The following GALNT18 variants were observed in gnomAD, a reference collection of about 807,000 sequenced individuals.
The protein encoded by GALNT18 is polypeptide N-acetylgalactosaminyltransferase 18, also known as GalNAc-transferase 18.
Under a neutral mutation model 69.5 loss-of-function variants are expected in GALNT18, and 44 were observed. The observed-to-expected ratio is 0.63, with a 90% CI of 0.50 to 0.81. The LOEUF (loss-of-function observed/expected upper bound fraction) is 0.81. GALNT18 is among the 40% of genes least tolerant of loss of function. The pLI, the probability that GALNT18 is intolerant of heterozygous loss-of-function variation, is 0.00. For synonymous variants in GALNT18, 364 were observed against 318.2 expected, an observed-to-expected ratio of 1.14 and a Z score of -1.53; for missense variants, 715 against 810.0, an observed-to-expected ratio of 0.88 and a Z score of 1.42.
intron 9 of GALNT18, among the ~76,000 whole-genome samples, chr11:11,297,760 C>T (rs1403953518): frequency 1.3e-5 from 2 of 152,154 alleles, no homozygotes; most frequent in East Asian, 1.9e-4. Context: ...GGCAGAGAAA[C>T]GTCATCCCCG....
rs1318659762 is a variant in GALNT18 at position 11,387,390 on chromosome 11, A to T, written c.596-8126T>A. Among the ~76,000 whole-genome samples the T allele has an allele frequency of 6.6e-6, 1 of 151,954 alleles. No homozygotes were observed. The highest frequency in any genetic ancestry group is 1.5e-5 in the Non-Finnish European group (1 of 67,980). ...TGCTCCTCAAAGCCCGGCCTGGATT[A>T]TACCTTTGCCACCCCATCCCTCCAG... is the stretch of plus-strand genomic sequence containing the variant. On this transcript the variant is annotated intron_variant, in intron 3 of 10. Transcript: ENST00000227756. The surrounding 1 kb of genome is among the most constrained non-coding windows in gnomAD (Gnocchi z 4.6).
chr11:11,567,914 C>T (rs117389122), intron 1 of GALNT18, among the ~76,000 whole-genome samples: 2,006 of 152,292 alleles, frequency 0.013, 17 homozygotes, highest in Non-Finnish European at 0.02. Context: ...ACAATGCATT[C>T]GTTAACAGTT....
In GALNT18 at chr11:11,620,142, G is replaced by C. The variant is rs919387416; in HGVS notation, c.235+1217C>G. 6.6e-6 allele frequency among the ~76,000 whole-genome samples: 1 copy of C among 151,334 alleles called. No homozygotes were observed. Among genetic ancestry groups the C allele is most frequent in the East Asian group, 2.0e-4 (1 of 5,110 alleles). ...AAAAGGGAGTGCTCCTGGCGGGGGG[G>C]TGGGGGGTAAGCCTTCAGTTCAATT... On this transcript the variant is annotated intron_variant, in intron 1 of 10. Coordinates refer to ENST00000227756, the MANE Select transcript of GALNT18 (RefSeq NM_198516.3). The surrounding 1 kb of genome is among the most constrained non-coding windows in gnomAD (Gnocchi z 6.9).
intron 3 of GALNT18, among the ~76,000 whole-genome samples, chr11:11,406,940 A>G (rs1353266884): frequency 6.6e-6 from 1 of 152,164 alleles, no homozygotes; most frequent in Admixed American, 6.5e-5. Context: ...GAGGAATATT[A>G]TCCCTGGAGG....
chr11:11,296,603 G>T (rs1383061257), intron 9 of GALNT18, among the ~76,000 whole-genome samples: 3 of 152,174 alleles, frequency 2.0e-5, no homozygotes, highest in African/African-American at 7.2e-5. Context: ...GACACAAGTG[G>T]CTACTCAGGT....
At chr11:11,328,062 G>A (rs1442396197) in intron 8 of GALNT18, among the ~76,000 whole-genome samples, 1 of 152,166 alleles carries the variant, frequency 6.6e-6, no homozygotes, top group Non-Finnish European at 1.5e-5. Context: ...TTGTAAGGCT[G>A]TTTAAACTGG....
chr11:11,599,671 TTCC>T (rs200238196), intron 1 of GALNT18, among the ~76,000 whole-genome samples: 2,438 of 151,886 alleles, frequency 0.016, 66 homozygotes, highest in African/African-American at 0.055. Flanking sequence ...ATATTTTTTG[TTCC>T]TCCTTTCCTT....
intron 3 of GALNT18, among the ~76,000 whole-genome samples, chr11:11,384,233 T>C (rs1041813989): frequency 2.0e-5 from 3 of 152,096 alleles, no homozygotes; most frequent in Non-Finnish European, 4.4e-5. Flanking sequence ...CTCTGGGAGA[T>C]TAATTAGGTC....
In GALNT18 at chr11:11,419,596, C is replaced by CAAAA. The variant is rs58012512; in HGVS notation, c.595+13021_595+13024dup. ...TGGGCAACAAAGCAAGATCCTGTCT[C>CAAAA]AAAAAAAAAAAAAAAAAAAAAAAAA... On this transcript the variant is annotated intron_variant, in intron 3 of 10. Transcript: ENST00000227756. Among the ~76,000 whole-genome samples the CAAAA allele has an allele frequency of 5.9e-3, 155 of 26,442 alleles. 2 individuals are homozygous for CAAAA. The highest frequency in any genetic ancestry group is 0.012 in the African/African-American group (118 of 10,090). The allele number at this position is 26,442 out of a possible 152,430, so 17.3% of individuals were successfully genotyped here. A position where few individuals can be genotyped will look rare whatever the true frequency, so the allele number is the denominator to read the frequency against.
chr11:11,453,362 C>G (rs967806228), intron 1 of GALNT18, among the ~76,000 whole-genome samples: 1 of 152,184 alleles, frequency 6.6e-6, no homozygotes, highest in African/African-American at 2.4e-5. Context: ...CCTCTCCAGC[C>G]ACACCGGCCA....
rs543234140 is a variant in GALNT18, at chr11:11,523,032, C to T, written c.236-74096G>A. Among the ~76,000 whole-genome samples the T allele has an allele frequency of 2.0e-5, 3 of 152,180 alleles. No individual in the cohort carries two copies. The highest frequency in any genetic ancestry group is 4.4e-5 in the Non-Finnish European group (3 of 68,036). ...ACTAACAATTCAGGCAGAGGCTCTC[C>T]CTTACAAACTGCTTGCCAAGAAAGT... On this transcript the variant is annotated intron_variant, in intron 1 of 10. Coordinates refer to ENST00000227756, the MANE Select transcript of GALNT18 (RefSeq NM_198516.3). This position sits in a 1 kb window ranked among gnomAD's most constrained non-coding sequence, Gnocchi z 4.3.
intron 3 of GALNT18, among the ~76,000 whole-genome samples, chr11:11,403,132 G>C (rs1240659970): frequency 6.6e-6 from 1 of 152,192 alleles, no homozygotes; most frequent in Non-Finnish European, 1.5e-5. Context: ...AGCAATGCCT[G>C]TAACCAAACA....
intron 3 of GALNT18, among the ~76,000 whole-genome samples, chr11:11,381,081 C>T (rs1044936319): frequency 6.6e-6 from 1 of 152,222 alleles, no homozygotes; most frequent in African/African-American, 2.4e-5. Flanking sequence ...ATTGCTGCAG[C>T]TGCCTGGGGA....
chr11:11,460,169 A>C (rs1590022296), intron 1 of GALNT18, among the ~76,000 whole-genome samples: 1 of 152,150 alleles, frequency 6.6e-6, no homozygotes, highest in East Asian at 1.9e-4. Context: ...TTAATTCCCT[A>C]TGCAACCTTA....
chr11:11,598,013 T>C lies in GALNT18; in HGVS notation c.235+23346A>G, dbSNP rs1053824100. 6.6e-6 allele frequency among the ~76,000 whole-genome samples: 1 copy of C among 152,150 alleles called. No individual in the cohort carries two copies. Among genetic ancestry groups the C allele is most frequent in the African/African-American group, 2.4e-5 (1 of 41,434 alleles). On this transcript the variant is annotated intron_variant, in intron 1 of 10. Coordinates refer to ENST00000227756, the MANE Select transcript of GALNT18 (RefSeq NM_198516.3). The surrounding 1 kb of genome is among the most constrained non-coding windows in gnomAD (Gnocchi z 4.8). ...TCAGTCTATCTAAAGTTCTGTCCATTTTATTGACCTTTTCAAAGAACCAAC... is the reference window on the plus strand; with the variant it reads ...TCAGTCTATCTAAAGTTCTGTCCATCTTATTGACCTTTTCAAAGAACCAAC...
intron 7 of GALNT18, among the ~76,000 whole-genome samples, chr11:11,335,097 G>C (rs927054584): frequency 1.3e-5 from 2 of 152,220 alleles, no homozygotes; most frequent in African/African-American, 4.8e-5. Context: ...TAGGGAGCCA[G>C]TAGAAGAACC....
rs1490347713 is a variant in GALNT18, at chr11:11,387,054, G to A, written c.596-7790C>T. Among the ~76,000 whole-genome samples, 2 of 152,172 alleles carry A rather than the reference G, an allele frequency of 1.3e-5. No homozygotes were observed. The highest frequency in any genetic ancestry group is 3.9e-4 in the East Asian group (2 of 5,194). On this transcript the variant is annotated intron_variant, in intron 3 of 10. Coordinates refer to ENST00000227756, the MANE Select transcript of GALNT18 (RefSeq NM_198516.3). This position sits in a 1 kb window ranked among gnomAD's most constrained non-coding sequence, Gnocchi z 4.6. Reference sequence around the variant, plus strand: ...GAAATACAAAGGTGGGCTTTATAACGGAGTACAAAAAGGCACCTCCTGCCA... The same window carrying A: ...GAAATACAAAGGTGGGCTTTATAACAGAGTACAAAAAGGCACCTCCTGCCA...
chr11:11,510,458 G>T (rs1388643552), intron 1 of GALNT18, among the ~76,000 whole-genome samples: 1 of 149,604 alleles, frequency 6.7e-6, no homozygotes, highest in Non-Finnish European at 1.5e-5. Context: ...AACCTTCCAT[G>T]AGTACAGCTC....
chr11:11,580,343 C>T lies in GALNT18; in HGVS notation c.235+41016G>A, dbSNP rs1409547983. Among the ~76,000 whole-genome samples, 3 of 152,186 alleles carry T rather than the reference C, an allele frequency of 2.0e-5. No individual in the cohort carries two copies. In the East Asian group the frequency reaches 5.8e-4, roughly 29 times the overall value. Reference sequence around the variant, plus strand: ...CCCTCCCGCCACCCCCAAAGACTAGCCCTGGGTCCTCCTCATCAAATTTGC... The same window carrying T: ...CCCTCCCGCCACCCCCAAAGACTAGTCCTGGGTCCTCCTCATCAAATTTGC... On this transcript the variant is annotated intron_variant, in intron 1 of 10. Transcript: ENST00000227756.
Sources: gnomAD v4.1 joint callset for allele counts (sites outside exome capture counted in the v4.1 genomes callset) on GRCh38, gnomAD v4.1.1 for gene constraint, Gnocchi (gnomAD v3.1) non-coding constraint, MANE v1.5 for transcripts, NCBI Gene and HGNC (gene_info 2026-07-23, HGNC 2026-07-21) for gene names.